The following FAM20B variants were observed in gnomAD, a reference collection of about 807,000 sequenced individuals.
FAM20B encodes FAM20B glycosaminoglycan xylosylkinase, also known as glycosaminoglycan xylosylkinase.
Under a neutral mutation model 43.8 loss-of-function variants are expected in FAM20B, and 23 were observed. The observed-to-expected ratio is 0.53, with a 90% CI of 0.38 to 0.74. FAM20B has a LOEUF of 0.74. FAM20B is among the 30% of genes least tolerant of loss of function. The pLI, the probability that FAM20B is intolerant of heterozygous loss-of-function variation, is 0.00. For synonymous variants in FAM20B, 178 were observed against 192.4 expected (o/e 0.93, Z 0.62); for missense variants, 440 against 510.5 (o/e 0.86, Z 1.33).
At chr1:179,033,517 CTGAGA>C (rs1273961543) in intron 1 of FAM20B, among the ~76,000 whole-genome samples, 5 of 152,232 alleles carry the variant, frequency 3.3e-5, no homozygotes, top group Non-Finnish European at 5.9e-5. Flanking sequence ...TACTCCCTCC[CTGAGA>C]TAATTGTTTT....
chr1:179,051,020 G>GGT (rs1050091201), intron 3 of FAM20B, among the ~76,000 whole-genome samples: 16 of 151,928 alleles, frequency 1.1e-4, no homozygotes, highest in Non-Finnish European at 1.8e-4. Flanking sequence ...TTCTTGGGAG[G>GGT]CTGAGGCAGG....
intron 1 of FAM20B, among the ~76,000 whole-genome samples, chr1:179,031,456 G>A (rs1260734975): frequency 6.6e-6 from 1 of 152,194 alleles, no homozygotes; most frequent in African/African-American, 2.4e-5. Context: ...AGGTTTAAAT[G>A]GGACAGGTTG....
At chr1:179,043,595 T>G (rs1650634176) in intron 1 of FAM20B, 120 bp from the exon 2 acceptor site, 1 of 409,642 alleles carries the variant, frequency 2.4e-6, no homozygotes, top group Non-Finnish European at 4.3e-6. Flanking sequence ...TTATTGAACC[T>G]TCTTGAGCTC....
chr1:179,033,720 G>A (rs898316592), intron 1 of FAM20B, among the ~76,000 whole-genome samples: 2 of 152,072 alleles, frequency 1.3e-5, no homozygotes, highest in East Asian at 1.9e-4. Flanking sequence ...TTTTGAGACA[G>A]TCTTGCTCTG....
chr1:179,066,939 C>T, intron 7 of FAM20B, 80 bp downstream of exon 7: 7 of 1,047,186 alleles, frequency 6.7e-6, no homozygotes, highest in Non-Finnish European at 1.0e-5. Flanking sequence ...ATTTTCTTGG[C>T]CCTCAAACTT....
Position 179,064,288 on chromosome 1 carries a change from A to ACTCAG in FAM20B, c.747-17_747-16insCTCAG. ...TACAGTGTTGTCACTCAGTGCTGTG[A>ACTCAG]TGCTGCTTGTCTCCAGGTGGGAGTA... On this transcript the variant is annotated splice_polypyrimidine_tract_variant and intron_variant, in intron 5 of 7. Coordinates refer to ENST00000263733, the MANE Select transcript of FAM20B (RefSeq NM_014864.4). The ACTCAG allele has an allele frequency of 6.3e-7, 1 of 1,591,672 alleles. No individual in the cohort carries two copies. Among genetic ancestry groups the ACTCAG allele is most frequent in the Non-Finnish European group, 8.6e-7 (1 of 1,164,474 alleles).
chr1:179,072,246 T>C lies in FAM20B; in HGVS notation c.*102T>C, dbSNP rs1433358550. 3.2e-6 allele frequency: 3 copies of C among 932,024 alleles called. No individual in the cohort carries two copies. The Admixed American group carries it at 7.2e-5, about 22-fold the overall frequency. 57.7% of individuals were successfully genotyped at this position (932,024 alleles called of 1,614,324 possible). On this transcript the variant is annotated 3_prime_UTR_variant, in exon 8 of 8. Coordinates refer to ENST00000263733, the MANE Select transcript of FAM20B (RefSeq NM_014864.4). ...TGGATTGGAAGTGGCCAGCAGCAAG[T>C]TCTGGTGACGGGACAGAGTGGCCTT...
chr1:179,069,781 T>C (rs1363806975), intron 7 of FAM20B, among the ~76,000 whole-genome samples: 1 of 152,180 alleles, frequency 6.6e-6, no homozygotes, highest in African/African-American at 2.4e-5. Flanking sequence ...TATTTAAGAA[T>C]AAAAATAACT....
At chr1:179,060,769 G>T (rs749933737) in intron 4 of FAM20B, among the ~76,000 whole-genome samples, 1 of 152,178 alleles carries the variant, frequency 6.6e-6, no homozygotes, top group Non-Finnish European at 1.5e-5. Flanking sequence ...AAAGGCACGT[G>T]CATTTTAAGT....
chr1:179,034,174 G>C (rs1411236067), intron 1 of FAM20B, among the ~76,000 whole-genome samples: 3 of 152,140 alleles, frequency 2.0e-5, no homozygotes. Context: ...AGGGTTGGCT[G>C]GACCTCTCTC....
intron 1 of FAM20B, among the ~76,000 whole-genome samples, chr1:179,029,115 A>C (rs1649905950): frequency 6.6e-6 from 1 of 152,252 alleles, no homozygotes; most frequent in Admixed American, 6.5e-5. Context: ...GTGTTTTTGC[A>C]TTAATAGAAG....
intron 1 of FAM20B, among the ~76,000 whole-genome samples, chr1:179,039,847 G>T (rs1413283866): frequency 6.6e-6 from 1 of 152,200 alleles, no homozygotes; most frequent in East Asian, 1.9e-4. Context: ...GTGAACAAAG[G>T]TCTCTGGTTT....
In FAM20B at chr1:179,043,904, C is replaced by G; in HGVS notation, c.57C>G (p.Phe19Leu). 1 of 1,610,836 alleles carries G rather than the reference C, an allele frequency of 6.2e-7. No homozygotes were observed. The highest frequency in any genetic ancestry group is 8.5e-7 in the Non-Finnish European group (1 of 1,177,194). Residue 19 changes from phenylalanine to leucine, a missense_variant, in exon 2 of 8, where the codon TTC becomes TTG. By Grantham distance (22) the Phe-to-Leu change is conservative. Transcript: ENST00000263733. ...CAATTCTCCTTGTCATTTTTATCTT[C>G]ACCAAAGTTTTCCTGATTGACAACT... is the stretch of plus-strand genomic sequence containing the variant. The part of the protein sequence containing the change: ...LLAILLVIFI[F>L]TKVFLIDNLD...
chr1:179,032,179 A>C (rs74949665), intron 1 of FAM20B, among the ~76,000 whole-genome samples: 2 of 152,250 alleles, frequency 1.3e-5, no homozygotes, highest in Admixed American at 1.3e-4. Context: ...ATTGATTCCA[A>C]TGAGGGTTTT....
intron 1 of FAM20B, among the ~76,000 whole-genome samples, chr1:179,038,961 C>T: frequency 6.6e-6 from 1 of 152,200 alleles, no homozygotes. Flanking sequence ...AGCTGGCCCA[C>T]TGCAAAGTGT....
At chr1:179,037,812 C>G (rs1485602252) in intron 1 of FAM20B, among the ~76,000 whole-genome samples, 1 of 152,058 alleles carries the variant, frequency 6.6e-6, no homozygotes, top group African/African-American at 2.4e-5. Flanking sequence ...AATTTCTAAC[C>G]TAGCTGAGTG....
chr1:179,068,498 C>T (rs1053217346), intron 7 of FAM20B, among the ~76,000 whole-genome samples: 17 of 151,902 alleles, frequency 1.1e-4, no homozygotes, highest in African/African-American at 2.4e-4. Flanking sequence ...TACAGTGGCG[C>T]GATCTCGGCT....
chr1:179,040,942 ACG>A (rs1650483195), intron 1 of FAM20B, among the ~76,000 whole-genome samples: 1 of 126,220 alleles, frequency 7.9e-6, no homozygotes, highest in African/African-American at 3.0e-5. Flanking sequence ...AGACGGGGTC[ACG>A]GCCGGGCAGA....
At chr1:179,042,895 G>A (rs1361519287) in intron 1 of FAM20B, among the ~76,000 whole-genome samples, 1 of 152,162 alleles carries the variant, frequency 6.6e-6, no homozygotes, top group African/African-American at 2.4e-5. Flanking sequence ...AGTGTGTGCT[G>A]ATTGGCCCAT....
Sources: gnomAD v4.1 joint callset for allele counts (sites outside exome capture counted in the v4.1 genomes callset) on GRCh38, gnomAD v4.1.1 for gene constraint, MANE v1.5 for transcripts, NCBI Gene and HGNC (gene_info 2026-07-23, HGNC 2026-07-21) for gene names.